The following DEPTOR variants were observed in gnomAD, a reference collection of about 807,000 sequenced individuals.
DEPTOR encodes the protein DEP domain-containing mTOR-interacting protein.
A neutral mutation model predicts 41.6 loss-of-function variants in DEPTOR; 41 were observed. That is an observed-to-expected ratio of 0.98 (90% confidence interval 0.77 to 1.28). The LOEUF (loss-of-function observed/expected upper bound fraction) is 1.28. Among genes scored for constraint, DEPTOR ranks in the 50% most tolerant of loss-of-function variants. The pLI is 0.00. For synonymous variants in DEPTOR, 195 were observed against 192.3 expected (o/e 1.01, Z -0.12); for missense variants, 514 against 527.9 (o/e 0.97, Z 0.26).
At chr8:119,945,004 G>A (rs1245059386) in intron 3 of DEPTOR, among the ~76,000 whole-genome samples, 1 of 151,896 alleles carries the variant, frequency 6.6e-6, no homozygotes, top group Non-Finnish European at 1.5e-5. Context: ...ATCACCTTGG[G>A]TCCCAGCACA....
intron 8 of DEPTOR, among the ~76,000 whole-genome samples, chr8:120,013,900 C>T (rs1027859472): frequency 4.7e-5 from 7 of 148,856 alleles, no homozygotes; most frequent in Non-Finnish European, 7.4e-5. Context: ...CGTGCAGTGG[C>T]GGGATCTCAG....
intron 2 of DEPTOR, 75 bp from the exon 3 acceptor site, chr8:119,929,740 A>G: frequency 2.6e-6 from 4 of 1,531,528 alleles, no homozygotes; most frequent in South Asian, 2.5e-5. Flanking sequence ...CTTAATTAGC[A>G]TCATACTTCG....
intron 1 of DEPTOR, among the ~76,000 whole-genome samples, chr8:119,907,362 T>C (rs1721342875): frequency 6.6e-6 from 1 of 152,226 alleles, no homozygotes; most frequent in African/African-American, 2.4e-5. Flanking sequence ...CTTCCCAGAA[T>C]GATTTTTAAA....
intron 1 of DEPTOR, among the ~76,000 whole-genome samples, chr8:119,898,795 G>A (rs1006409688): frequency 1.3e-5 from 2 of 151,872 alleles, no homozygotes; most frequent in Admixed American, 6.6e-5. Flanking sequence ...TTGATCAAGG[G>A]TAAATACTTC....
intron 3 of DEPTOR, among the ~76,000 whole-genome samples, chr8:119,935,068 C>G (rs1828091556): frequency 6.6e-6 from 1 of 152,168 alleles, no homozygotes; most frequent in Non-Finnish European, 1.5e-5. Context: ...TAAGTACATT[C>G]AGGGCACAAT....
chr8:119,926,977 T>C (rs1368410066), intron 1 of DEPTOR, among the ~76,000 whole-genome samples: 1 of 152,240 alleles, frequency 6.6e-6, no homozygotes, highest in East Asian at 1.9e-4. Flanking sequence ...TCATTTTCTT[T>C]CTTCGTAGAT....
At chr8:120,034,034 TC>T (rs1455768078) in intron 8 of DEPTOR, among the ~76,000 whole-genome samples, 1 of 152,002 alleles carries the variant, frequency 6.6e-6, no homozygotes, top group Non-Finnish European at 1.5e-5. Flanking sequence ...ACTATTGCAC[TC>T]CAGTCTGGGT....
intron 3 of DEPTOR, among the ~76,000 whole-genome samples, chr8:119,934,249 C>G (rs1435018429): frequency 6.6e-6 from 1 of 152,176 alleles, no homozygotes; most frequent in Non-Finnish European, 1.5e-5. Flanking sequence ...AAACCCAGGT[C>G]TCAAAACTAC....
chr8:120,017,105 T>C (rs1469419198), intron 8 of DEPTOR, among the ~76,000 whole-genome samples: 1 of 152,240 alleles, frequency 6.6e-6, no homozygotes, highest in African/African-American at 2.4e-5. Flanking sequence ...AATTCTTGGC[T>C]TTTAGTACGT....
At chr8:120,027,169 G>A (rs1335597839) in intron 8 of DEPTOR, among the ~76,000 whole-genome samples, 1 of 151,430 alleles carries the variant, frequency 6.6e-6, no homozygotes, top group Non-Finnish European at 1.5e-5. Context: ...GGTGAGCCGA[G>A]ATTGTGCCAT....
At chr8:119,960,345 A>T (rs1184773277) in intron 3 of DEPTOR, among the ~76,000 whole-genome samples, 1 of 152,214 alleles carries the variant, frequency 6.6e-6, no homozygotes, top group Non-Finnish European at 1.5e-5. Flanking sequence ...AACAGGTATT[A>T]TCTTCCTCAT....
chr8:119,936,989 A>C (rs1330195962), intron 3 of DEPTOR, among the ~76,000 whole-genome samples: 1 of 151,890 alleles, frequency 6.6e-6, no homozygotes, highest in African/African-American at 2.4e-5. Context: ...ACACCACTGC[A>C]CTCCAGCCTG....
chr8:120,008,900 G>C, intron 7 of DEPTOR, 129 bp from the exon 8 acceptor site: 2 of 791,828 alleles, frequency 2.5e-6, no homozygotes, highest in African/African-American at 3.4e-5. Context: ...CCCCTGGCAG[G>C]GAAGAGAGAA....
At chr8:119,921,682 T>C (rs1297274495) in intron 1 of DEPTOR, among the ~76,000 whole-genome samples, 1 of 151,984 alleles carries the variant, frequency 6.6e-6, no homozygotes, top group Non-Finnish European at 1.5e-5. Context: ...AAATCAGGAA[T>C]GTTCAAGAAT....
chr8:120,007,828 A>G (rs913194608), intron 7 of DEPTOR, among the ~76,000 whole-genome samples: 9 of 152,218 alleles, frequency 5.9e-5, no homozygotes, highest in African/African-American at 2.2e-4. Context: ...TATACAAATA[A>G]CAGCAAACTG....
In DEPTOR at chr8:119,979,463, A is replaced by G. The variant is rs1272166907; in HGVS notation, c.604+14053A>G. 3.9e-5 allele frequency among the ~76,000 whole-genome samples: 6 copies of G among 151,930 alleles called. No homozygotes were observed. The East Asian group carries it at 9.7e-4, about 25-fold the overall frequency. ...TTTTTCATAGAGACAGGGTTTTGCA[A>G]TGTTGCCCAGGCTGGCCTCCAACTC... On this transcript the variant is annotated intron_variant, in intron 4 of 8. Transcript: ENST00000286234.
chr8:119,880,903 C>T (rs921834321), intron 1 of DEPTOR, among the ~76,000 whole-genome samples: 1 of 152,222 alleles, frequency 6.6e-6, no homozygotes, highest in Non-Finnish European at 1.5e-5. Flanking sequence ...TCATTAATTT[C>T]ACTTTAATTC....
chr8:120,048,886 A>G (rs1813191451), intron 8 of DEPTOR, among the ~76,000 whole-genome samples: 1 of 152,094 alleles, frequency 6.6e-6, no homozygotes, highest in Non-Finnish European at 1.5e-5. Context: ...CACCAAAGGG[A>G]CCTATAACTT....
At chr8:119,994,857 C>T (rs1413279435) in intron 4 of DEPTOR, among the ~76,000 whole-genome samples, 1 of 145,564 alleles carries the variant, frequency 6.9e-6, no homozygotes, top group South Asian at 2.1e-4. Flanking sequence ...GTGGAGGTTG[C>T]AGTGAGCCGA....
Sources: allele counts gnomAD v4.1 joint callset (sites outside exome capture counted in the v4.1 genomes callset), GRCh38; gene constraint gnomAD v4.1.1; transcripts MANE v1.5; gene names NCBI Gene and HGNC (gene_info 2026-07-23, HGNC 2026-07-21).